Variants in IQCM observed in about 807,000 individuals in gnomAD.
The protein encoded by IQCM is IQ domain-containing protein M.
IQCM carries 45 observed loss-of-function variants against 57.6 expected under a neutral mutation model. The ratio of observed to expected loss-of-function variants is 0.78; its 90% CI spans 0.62 to 1.00. The LOEUF (loss-of-function observed/expected upper bound fraction) is 1.00. IQCM is among the 50% of genes least tolerant of loss of function. The pLI is 0.00. For missense variants in IQCM, 468 were observed against 511.6 expected, an observed-to-expected ratio of 0.91 and a Z score of 0.82; for synonymous variants, 148 against 158.9, an observed-to-expected ratio of 0.93 and a Z score of 0.51.
At chr4:149,555,575 G>T (rs1749502052) in intron 10 of IQCM, among the ~76,000 whole-genome samples, 1 of 152,146 alleles carries the variant, frequency 6.6e-6, no homozygotes, top group South Asian at 2.1e-4. Context: ...TATAGGATTT[G>T]GCTGGATTAC....
At chr4:149,749,647 T>C (rs1187283399) in intron 2 of IQCM, among the ~76,000 whole-genome samples, 1 of 152,182 alleles carries the variant, frequency 6.6e-6, no homozygotes, top group African/African-American at 2.4e-5. Flanking sequence ...TCAATATTCA[T>C]TGAGCTATAC....
At chr4:149,654,235 T>A (rs891621542) in intron 7 of IQCM, among the ~76,000 whole-genome samples, 1 of 152,182 alleles carries the variant, frequency 6.6e-6, no homozygotes, top group South Asian at 2.1e-4. Context: ...AAATATCTAC[T>A]GTATGATATG....
chr4:149,633,839 G>A (rs1013026636), intron 7 of IQCM, among the ~76,000 whole-genome samples: 2 of 151,932 alleles, frequency 1.3e-5, no homozygotes, highest in Non-Finnish European at 2.9e-5. Flanking sequence ...AAAAGTATGG[G>A]CAACTTTCAA....
chr4:149,648,936 A>C (rs1196028539), intron 7 of IQCM, among the ~76,000 whole-genome samples: 1 of 152,162 alleles, frequency 6.6e-6, no homozygotes, highest in Non-Finnish European at 1.5e-5. Context: ...TTAAAAAAAG[A>C]AAAAATAATT....
chr4:149,775,492 C>T (rs2149997465), intron 2 of IQCM, among the ~76,000 whole-genome samples: 1 of 152,228 alleles, frequency 6.6e-6, no homozygotes, highest in South Asian at 2.1e-4. Context: ...GAGATAAAAC[C>T]ATCACTTCTA....
chr4:149,744,183 T>C (rs546306781), intron 2 of IQCM, among the ~76,000 whole-genome samples: 62 of 152,282 alleles, frequency 4.1e-4, no homozygotes, highest in African/African-American at 1.3e-3. Context: ...ATAGCAAATC[T>C]GGAACATCCA....
chr4:149,382,992 C>CA (rs202088268), intron 13 of IQCM, among the ~76,000 whole-genome samples: 4,211 of 103,744 alleles, frequency 0.041, 134 homozygotes, highest in African/African-American at 0.11. Flanking sequence ...TATTCTTCAG[C>CA]AAAAAAAAAA....
At chr4:149,455,974 C>T (rs535445527) in intron 12 of IQCM, among the ~76,000 whole-genome samples, 19 of 151,580 alleles carry the variant, frequency 1.3e-4, no homozygotes, top group Admixed American at 6.6e-4. Flanking sequence ...GACCTTGTGT[C>T]TTAAAAAATA....
chr4:149,656,822 G>T (rs898201468), intron 7 of IQCM, among the ~76,000 whole-genome samples: 3 of 152,048 alleles, frequency 2.0e-5, no homozygotes, highest in Admixed American at 6.6e-5. Context: ...TTGTGGAAAT[G>T]AAATAATTAT....
chr4:149,618,229 G>A (rs933628850), intron 8 of IQCM, among the ~76,000 whole-genome samples: 17 of 152,072 alleles, frequency 1.1e-4, no homozygotes, highest in South Asian at 4.2e-4. Flanking sequence ...TTTGACAAAG[G>A]CAATTAAAAA....
chr4:149,716,341 G>C (rs1764995517), intron 5 of IQCM, among the ~76,000 whole-genome samples: 1 of 152,188 alleles, frequency 6.6e-6, no homozygotes, highest in Non-Finnish European at 1.5e-5. Context: ...GACAGTGCCG[G>C]GGCTTGGCCA....
intron 8 of IQCM, among the ~76,000 whole-genome samples, chr4:149,616,599 T>C (rs185876983): frequency 4.6e-5 from 7 of 152,232 alleles, no homozygotes; most frequent in African/African-American, 1.7e-4. Context: ...ATGTTATGTA[T>C]ATTTTACAAA....
intron 5 of IQCM, among the ~76,000 whole-genome samples, chr4:149,688,482 G>A (rs906725220): frequency 6.6e-6 from 1 of 152,046 alleles, no homozygotes; most frequent in South Asian, 2.1e-4. Flanking sequence ...CACATGCCAT[G>A]CTCATGGATG....
At chr4:149,471,506 C>G (rs1390187210) in intron 12 of IQCM, among the ~76,000 whole-genome samples, 2 of 152,124 alleles carry the variant, frequency 1.3e-5, no homozygotes, top group Non-Finnish European at 2.9e-5. Flanking sequence ...AGTCCAGGCC[C>G]AGATGGATTC....
intron 2 of IQCM, among the ~76,000 whole-genome samples, chr4:149,812,503 GACACACACACAC>G (rs71596217): frequency 7.6e-6 from 1 of 132,010 alleles, no homozygotes; most frequent in Non-Finnish European, 1.7e-5. Context: ...CACACACACA[GACACACACACAC>G]ACACACACAC....
At chr4:149,595,908 A>ATCCTC in intron 8 of IQCM, among the ~76,000 whole-genome samples, 1 of 152,302 alleles carries the variant, frequency 6.6e-6, no homozygotes, top group Middle Eastern at 3.4e-3. Context: ...ACAGAGGTGA[A>ATCCTC]GGTATCCTAA....
intron 12 of IQCM, among the ~76,000 whole-genome samples, chr4:149,499,365 A>G (rs1743004208): frequency 6.6e-6 from 1 of 152,304 alleles, no homozygotes; most frequent in African/African-American, 2.4e-5. Context: ...AGTTTATTTA[A>G]TTTTCTCAAG....
At chr4:149,459,874 G>A (rs1023376303) in intron 12 of IQCM, among the ~76,000 whole-genome samples, 5 of 152,078 alleles carry the variant, frequency 3.3e-5, no homozygotes, top group Non-Finnish European at 5.9e-5. Flanking sequence ...ATGTTGTTGC[G>A]AACGTGGGTT....
intron 12 of IQCM, among the ~76,000 whole-genome samples, chr4:149,474,355 A>G (rs1739939621): frequency 6.6e-6 from 1 of 152,056 alleles, no homozygotes; most frequent in Non-Finnish European, 1.5e-5. Flanking sequence ...GCATGAGCCC[A>G]GGAGTTCAAG....
Sources: allele counts gnomAD v4.1 joint callset (sites outside exome capture counted in the v4.1 genomes callset), GRCh38; gene constraint gnomAD v4.1.1; transcripts MANE v1.5; gene names NCBI Gene and HGNC (gene_info 2026-07-23, HGNC 2026-07-21).